TMTC2: variants seen among roughly 807,000 people sequenced by gnomAD.
TMTC2 encodes protein O-mannosyl-transferase TMTC2.
In TMTC2, 43 loss-of-function variants were observed where a neutral mutation model predicts 82.4. The ratio of observed to expected loss-of-function variants is 0.52; its 90% CI spans 0.41 to 0.67. The LOEUF (loss-of-function observed/expected upper bound fraction) is 0.67, where lower values mean the gene tolerates loss of function less well. Ranked by LOEUF, TMTC2 falls within the 30% of genes least tolerant of loss-of-function variation. TMTC2 has a pLI of 0.00. For missense variants in TMTC2, 919 were observed against 1,012.4 expected, an observed-to-expected ratio of 0.91 and a Z score of 1.25; for synonymous variants, 408 against 381.9, an observed-to-expected ratio of 1.07 and a Z score of -0.80.
intron 2 of TMTC2, among the ~76,000 whole-genome samples, chr12:82,894,951 C>A (rs966550782): frequency 4.6e-5 from 7 of 151,026 alleles, no homozygotes; most frequent in Non-Finnish European, 8.8e-5. Flanking sequence ...AGGTGCACAC[C>A]ACCATGCCTG....
chr12:82,984,637 G>A (rs892587766), intron 7 of TMTC2, among the ~76,000 whole-genome samples: 1 of 152,156 alleles, frequency 6.6e-6, no homozygotes, highest in Non-Finnish European at 1.5e-5. Flanking sequence ...GATAATGCAA[G>A]TCACCAGTTT....
At chr12:83,053,743 T>C (rs1037043760) in intron 10 of TMTC2, among the ~76,000 whole-genome samples, 1 of 152,058 alleles carries the variant, frequency 6.6e-6, no homozygotes, top group African/African-American at 2.4e-5. Flanking sequence ...TATAAAGTTT[T>C]GAAATATATT....
chr12:82,700,511 TA>T (rs1472734603), intron 1 of TMTC2, among the ~76,000 whole-genome samples: 1 of 152,208 alleles, frequency 6.6e-6, no homozygotes, highest in African/African-American at 2.4e-5. Context: ...TGAACTATAA[TA>T]ATTAGGTAAT....
intron 11 of TMTC2, among the ~76,000 whole-genome samples, chr12:83,131,997 G>A (rs180872364): frequency 1.1e-4 from 16 of 152,168 alleles, no homozygotes; most frequent in African/African-American, 3.6e-4. Context: ...CTAGAAGCCT[G>A]TCCTTTTTAA....
Position 82,823,344 on chromosome 12 carries a change from T to C in TMTC2, c.84-33666T>C, listed in dbSNP as rs1592551313. Among the ~76,000 whole-genome samples, 3 of 152,300 alleles carry C rather than the reference T, an allele frequency of 2.0e-5. No homozygotes were observed. The South Asian group carries it at 6.2e-4, about 32-fold the overall frequency. ...ACACATTCAGGAGCTTGTCTATGGATAGGAATTTTTTTCTCTACACAAAAT... is the reference window on the plus strand; with the variant it reads ...ACACATTCAGGAGCTTGTCTATGGACAGGAATTTTTTTCTCTACACAAAAT... On this transcript the variant is annotated intron_variant, in intron 1 of 11. Coordinates refer to ENST00000321196, the MANE Select transcript of TMTC2 (RefSeq NM_152588.3).
In TMTC2 at chr12:83,033,036, A is replaced by G. The variant is rs958632618; in HGVS notation, c.2152+2157A>G. 2.6e-5 allele frequency among the ~76,000 whole-genome samples: 4 copies of G among 152,304 alleles called. No homozygotes were observed. In the South Asian group the frequency reaches 6.2e-4, roughly 24 times the overall value. ...GAGGAATGACTGTATAATTAAATAT[A>G]ATTTTATGAAACATAATGTTAGGTA... On this transcript the variant is annotated intron_variant, in intron 9 of 11. Coordinates refer to ENST00000321196, the MANE Select transcript of TMTC2 (RefSeq NM_152588.3).
At chr12:82,980,024 A>G (rs1280366619) in intron 7 of TMTC2, among the ~76,000 whole-genome samples, 1 of 151,674 alleles carries the variant, frequency 6.6e-6, no homozygotes, top group Non-Finnish European at 1.5e-5. Context: ...ACCTTTGGGA[A>G]TTTGATTATG....
At chr12:82,868,410 G>T (rs1394768787) in intron 2 of TMTC2, among the ~76,000 whole-genome samples, 4 of 152,156 alleles carry the variant, frequency 2.6e-5, no homozygotes, top group Non-Finnish European at 5.9e-5. Flanking sequence ...AACATGATTT[G>T]ATAATTTATC....
chr12:82,940,987 GATACCATGTCCTATACCATA>G (rs1042434725), intron 4 of TMTC2, among the ~76,000 whole-genome samples: 5 of 151,846 alleles, frequency 3.3e-5, no homozygotes, highest in Non-Finnish European at 2.9e-5. Flanking sequence ...TGGTATTTGT[GATACCATGTCCTATACCATA>G]TAAAGGAACA....
intron 11 of TMTC2, among the ~76,000 whole-genome samples, chr12:83,082,990 A>T (rs1292136315): frequency 6.6e-6 from 1 of 152,182 alleles, no homozygotes; most frequent in African/African-American, 2.4e-5. Flanking sequence ...GGCTTCATCT[A>T]CTTCTGGGTC....
At chr12:82,966,275 G>T (rs1348405883) in intron 6 of TMTC2, among the ~76,000 whole-genome samples, 1 of 151,960 alleles carries the variant, frequency 6.6e-6, no homozygotes, top group Non-Finnish European at 1.5e-5. Flanking sequence ...AGAAACAGTG[G>T]TGTAACAGGA....
intron 2 of TMTC2, among the ~76,000 whole-genome samples, chr12:82,860,067 G>A (rs1424151992): frequency 1.3e-5 from 2 of 152,088 alleles, no homozygotes; most frequent in African/African-American, 4.8e-5. Flanking sequence ...TCTGCCTCCC[G>A]GGTTCAAGCG....
At chr12:83,027,068 GT>G (rs1031597372) in intron 8 of TMTC2, among the ~76,000 whole-genome samples, 1 of 151,900 alleles carries the variant, frequency 6.6e-6, no homozygotes, top group African/African-American at 2.4e-5. Context: ...AATACTGGTT[GT>G]TTTTAATACT....
rs556776829 is a variant in TMTC2 at position 82,845,835 on chromosome 12, C to G, written c.84-11175C>G. Among the ~76,000 whole-genome samples, 5 of 151,812 alleles carry G rather than the reference C, an allele frequency of 3.3e-5. No individual in the cohort carries two copies. The South Asian group carries it at 8.3e-4, about 25-fold the overall frequency. On this transcript the variant is annotated intron_variant, in intron 1 of 11. Coordinates refer to ENST00000321196, the MANE Select transcript of TMTC2 (RefSeq NM_152588.3). ...TGCTTTAATTTTGCAAAATGCTTTT[C>G]ATATAACATTTAAAAACATCTCTAG... is the stretch of plus-strand genomic sequence containing the variant.
chr12:82,719,668 T>G (rs1565720796), intron 1 of TMTC2, among the ~76,000 whole-genome samples: 1 of 67,222 alleles, frequency 1.5e-5, no homozygotes, highest in Non-Finnish European at 2.9e-5. Flanking sequence ...TATGTCTCTC[T>G]GTCTTTTTTT....
At chr12:82,874,902 T>G (rs935732552) in intron 2 of TMTC2, among the ~76,000 whole-genome samples, 1 of 152,106 alleles carries the variant, frequency 6.6e-6, no homozygotes, top group African/African-American at 2.4e-5. Context: ...GACAAATAAT[T>G]TGAAATTAAT....
chr12:82,798,191 G>A (rs371314178), intron 1 of TMTC2, among the ~76,000 whole-genome samples: 75 of 150,308 alleles, frequency 5.0e-4, no homozygotes, highest in African/African-American at 1.7e-3. Context: ...TCCTGACCTC[G>A]TGATCCACCT....
rs576057881 is a variant in TMTC2 at position 82,730,153 on chromosome 12, G to C, written c.83+42484G>C. On this transcript the variant is annotated intron_variant, in intron 1 of 11. Transcript: ENST00000321196. ...TGAGACCAAGAACCTACCAATCCCA[G>C]ACACACTGGCACGTGCCTGGAGTCC... Among the ~76,000 whole-genome samples the C allele has an allele frequency of 2.2e-4, 34 of 152,108 alleles. 1 individual carries two copies. In the South Asian group the frequency reaches 3.7e-3, roughly 17 times the overall value.
chr12:82,998,848 G>T (rs954439910), intron 8 of TMTC2, among the ~76,000 whole-genome samples: 1 of 151,882 alleles, frequency 6.6e-6, no homozygotes, highest in Non-Finnish European at 1.5e-5. Flanking sequence ...TAAAACAAAG[G>T]CTATAATTTT....
Sources: allele counts gnomAD v4.1 joint callset (sites outside exome capture counted in the v4.1 genomes callset), GRCh38; gene constraint gnomAD v4.1.1; transcripts MANE v1.5; gene names NCBI Gene and HGNC (gene_info 2026-07-23, HGNC 2026-07-21).